The following CCSER1 variants were observed in gnomAD, a reference collection of about 807,000 sequenced individuals.
CCSER1 encodes serine-rich coiled-coil domain-containing protein 1.
CCSER1 carries 41 observed loss-of-function variants against 82.0 expected under a neutral mutation model. That is an observed-to-expected ratio of 0.50 (90% CI 0.39 to 0.65). The LOEUF is 0.65. Among genes scored for constraint, CCSER1 ranks in the 30% least tolerant of loss-of-function variants. The pLI is 0.00. For missense variants in CCSER1, 1,119 were observed against 1,064.2 expected, an observed-to-expected ratio of 1.05 and a Z score of -0.72; for synonymous variants, 414 against 383.9, an observed-to-expected ratio of 1.08 and a Z score of -0.92.
intron 9 of CCSER1, among the ~76,000 whole-genome samples, chr4:91,080,368 A>G (rs924450667): frequency 3.3e-5 from 5 of 152,234 alleles, no homozygotes; most frequent in Admixed American, 6.5e-5. Context: ...TTTGAAACCA[A>G]TGAGAACAAA....
At chr4:90,519,046 G>T (rs1006371910) in intron 5 of CCSER1, among the ~76,000 whole-genome samples, 1 of 151,742 alleles carries the variant, frequency 6.6e-6, no homozygotes, top group African/African-American at 2.4e-5. Context: ...GACAGAATTT[G>T]TACTTTAAAT....
intron 10 of CCSER1, among the ~76,000 whole-genome samples, chr4:91,087,305 T>C (rs1723486036): frequency 6.6e-6 from 1 of 152,138 alleles, no homozygotes; most frequent in South Asian, 2.1e-4. Flanking sequence ...GAAGGAAAAC[T>C]GAAATCTATA....
At chr4:90,709,885 AT>A (rs1231171472) in intron 6 of CCSER1, among the ~76,000 whole-genome samples, 3 of 150,918 alleles carry the variant, frequency 2.0e-5, no homozygotes, top group Admixed American at 6.6e-5. Context: ...GGTAGAACTA[AT>A]TTACACTTCC....
At chr4:91,222,066 T>C (rs572805558) in intron 10 of CCSER1, among the ~76,000 whole-genome samples, 2 of 151,874 alleles carry the variant, frequency 1.3e-5, no homozygotes, top group African/African-American at 4.8e-5. Flanking sequence ...AAAAATACAT[T>C]AATTCTGTGT....
intron 8 of CCSER1, among the ~76,000 whole-genome samples, chr4:90,840,691 G>A (rs1339169141): frequency 6.6e-6 from 1 of 151,950 alleles, no homozygotes; most frequent in African/African-American, 2.4e-5. Context: ...TATCAACAGA[G>A]GGAAAACACT....
intron 3 of CCSER1, among the ~76,000 whole-genome samples, chr4:90,325,235 TATAA>T (rs1444639348): frequency 6.6e-6 from 1 of 152,230 alleles, no homozygotes; most frequent in Non-Finnish European, 1.5e-5. Flanking sequence ...TTAAACTTAC[TATAA>T]ATAGTCATGT....
chr4:90,160,635 G>T (rs953917976), intron 1 of CCSER1, among the ~76,000 whole-genome samples: 1 of 152,164 alleles, frequency 6.6e-6, no homozygotes, highest in Admixed American at 6.5e-5. Context: ...TAGGGCTCAT[G>T]AATAGATGCT....
chr4:91,175,943 G>A (rs1387613716), intron 10 of CCSER1, among the ~76,000 whole-genome samples: 4 of 152,160 alleles, frequency 2.6e-5, no homozygotes, highest in African/African-American at 9.7e-5. Context: ...TACTTCTGGG[G>A]TTTTTATGGC....
intron 1 of CCSER1, among the ~76,000 whole-genome samples, chr4:90,243,063 T>TCTCTC (rs1229400037): frequency 3.9e-5 from 4 of 102,220 alleles, no homozygotes; most frequent in African/African-American, 2.1e-4. Context: ...TCTCTCTCTC[T>TCTCTC]TTTTTTTTTT....
intron 8 of CCSER1, among the ~76,000 whole-genome samples, chr4:90,908,779 T>C (rs1374419697): frequency 6.6e-6 from 1 of 152,126 alleles, no homozygotes; most frequent in East Asian, 1.9e-4. Context: ...TGTTAGTGTG[T>C]TCAAGAAGGA....
intron 5 of CCSER1, among the ~76,000 whole-genome samples, chr4:90,566,244 G>A (rs999165629): frequency 7.2e-5 from 11 of 151,946 alleles, no homozygotes; most frequent in Non-Finnish European, 1.5e-4. Context: ...AGAGATATTG[G>A]TCTGTAGTTT....
intron 10 of CCSER1, among the ~76,000 whole-genome samples, chr4:91,534,281 G>A (rs1031547684): frequency 5.1e-4 from 78 of 151,998 alleles, no homozygotes; most frequent in African/African-American, 1.8e-3. Flanking sequence ...CTATCATTTT[G>A]CTCACATTGA....
At chr4:91,493,193 C>A (rs1446624838) in intron 10 of CCSER1, among the ~76,000 whole-genome samples, 1 of 150,418 alleles carries the variant, frequency 6.6e-6, no homozygotes, top group Non-Finnish European at 1.5e-5. Flanking sequence ...GAACTATATC[C>A]TTATATCATT....
At chr4:90,321,426 T>C (rs1737128582) in intron 3 of CCSER1, among the ~76,000 whole-genome samples, 2 of 152,204 alleles carry the variant, frequency 1.3e-5, no homozygotes, top group Non-Finnish European at 2.9e-5. Context: ...AATATTCTAT[T>C]GTGTGTATGT....
intron 3 of CCSER1, among the ~76,000 whole-genome samples, chr4:90,397,992 G>A (rs888285527): frequency 1.3e-5 from 2 of 152,132 alleles, no homozygotes; most frequent in African/African-American, 4.8e-5. Context: ...AGACTGGGTG[G>A]CTTAAACAAC....
At chr4:90,363,780 T>C (rs1242828496) in intron 3 of CCSER1, among the ~76,000 whole-genome samples, 1 of 152,132 alleles carries the variant, frequency 6.6e-6, no homozygotes, top group Non-Finnish European at 1.5e-5. Flanking sequence ...CCATTTCATT[T>C]TCCCACTCAT....
chr4:91,000,139 G>T (rs1737874866), intron 9 of CCSER1, among the ~76,000 whole-genome samples: 1 of 151,426 alleles, frequency 6.6e-6, no homozygotes. Context: ...TGTTCCATTG[G>T]TCTATGTGTC....
chr4:91,149,044 G>A (rs1398204019), intron 10 of CCSER1, among the ~76,000 whole-genome samples: 2 of 152,028 alleles, frequency 1.3e-5, no homozygotes, highest in Non-Finnish European at 2.9e-5. Context: ...CTAGATCCTT[G>A]AGGAATTGCC....
At chr4:90,454,091 C>T (rs1012901227) in intron 4 of CCSER1, among the ~76,000 whole-genome samples, 5 of 152,196 alleles carry the variant, frequency 3.3e-5, no homozygotes, top group African/African-American at 9.6e-5. Flanking sequence ...GTGGCTTTCT[C>T]ATGTTGCCTG....
Sources: gnomAD v4.1 joint callset for allele counts (sites outside exome capture counted in the v4.1 genomes callset) on GRCh38, gnomAD v4.1.1 for gene constraint, MANE v1.5 for transcripts, NCBI Gene and HGNC (gene_info 2026-07-23, HGNC 2026-07-21) for gene names.